The following BAIAP2L1 variants were observed in gnomAD, a reference collection of about 807,000 sequenced individuals.
BAIAP2L1 encodes the protein BAR/IMD domain containing adaptor protein 2 like 1, also known as BAR/IMD domain-containing adapter protein 2-like 1.
In BAIAP2L1, 35 loss-of-function variants were observed where a neutral mutation model predicts 66.3. The observed-to-expected ratio is 0.53, with a 90% CI of 0.40 to 0.70. The LOEUF (loss-of-function observed/expected upper bound fraction) is 0.70, where lower values mean the gene tolerates loss of function less well. Ranked by LOEUF, BAIAP2L1 falls within the 30% of genes least tolerant of loss-of-function variation. The pLI is 0.00. For missense variants in BAIAP2L1, 622 were observed against 656.9 expected, an observed-to-expected ratio of 0.95 and a Z score of 0.58; for synonymous variants, 269 against 248.7, an observed-to-expected ratio of 1.08 and a Z score of -0.77.
rs1442057451 is a variant in BAIAP2L1, at chr7:98,292,485, T to C, written c.*1036A>G. 2.8e-6 allele frequency: 2 copies of C among 723,790 alleles called. No individual in the cohort carries two copies. The highest frequency in any genetic ancestry group is 4.6e-6 in the Non-Finnish European group (2 of 435,994). The allele number at this position is 723,790 out of a possible 1,614,324, so 44.8% of individuals were successfully genotyped here. On this transcript the variant is annotated 3_prime_UTR_variant, in exon 14 of 14. Transcript: ENST00000005260. Reference sequence around the variant, plus strand: ...CCGGGCTGGGAATTTTAACCATGACTCTCCACTCCAAAATAGGTCCAGATC... The same window carrying C: ...CCGGGCTGGGAATTTTAACCATGACCCTCCACTCCAAAATAGGTCCAGATC...
intron 12 of BAIAP2L1, among the ~76,000 whole-genome samples, chr7:98,296,060 C>T (rs541239192): frequency 4.6e-5 from 7 of 152,204 alleles, no homozygotes; most frequent in South Asian, 2.1e-4. Context: ...AAACACCAGA[C>T]GCCCGTCAAT....
chr7:98,300,880 G>A (rs376709001), intron 12 of BAIAP2L1, among the ~76,000 whole-genome samples: 132 of 152,248 alleles, frequency 8.7e-4, no homozygotes, highest in African/African-American at 3.2e-3. Flanking sequence ...TTGTGTTTTT[G>A]CCGAAGCTCG....
chr7:98,400,698 G>A (rs1803348540), intron 1 of BAIAP2L1, 104 bp downstream of exon 1: 2 of 1,310,564 alleles, frequency 1.5e-6, no homozygotes, highest in Admixed American at 2.0e-5. Flanking sequence ...AGGACGCGGG[G>A]GAGGGGAGCT....
chr7:98,400,782 G>C lies in BAIAP2L1; in HGVS notation c.51+20C>G, dbSNP rs1803351628. On this transcript the variant is annotated intron_variant, in intron 1 of 13. Transcript: ENST00000005260. ...AGGTGGAAAGCCCTGACCTCCCTGAGCCCCGGGCCCTGGGCTTACCCGGTA... is the reference window on the plus strand; with the variant it reads ...AGGTGGAAAGCCCTGACCTCCCTGACCCCCGGGCCCTGGGCTTACCCGGTA... 1 of 1,548,984 alleles carries C rather than the reference G, an allele frequency of 6.5e-7. No homozygotes were observed. Among genetic ancestry groups the C allele is most frequent in the Admixed American group, 2.0e-5 (1 of 51,028 alleles).
intron 1 of BAIAP2L1, chr7:98,386,644 CTTT>C: frequency 9.0e-7 from 1 of 1,105,356 alleles, no homozygotes; most frequent in Admixed American, 2.6e-5. Context: ...TTTCCGAGAA[CTTT>C]TTTTTGTCTC....
At chr7:98,329,306 C>CA (rs1160355803) in intron 3 of BAIAP2L1, among the ~76,000 whole-genome samples, 1 of 152,224 alleles carries the variant, frequency 6.6e-6, no homozygotes, top group Non-Finnish European at 1.5e-5. Context: ...CGCAGAGACT[C>CA]ACAGTTCACA....
intron 2 of BAIAP2L1, among the ~76,000 whole-genome samples, chr7:98,360,216 C>T (rs1802237791): frequency 6.6e-6 from 1 of 152,138 alleles, no homozygotes; most frequent in Non-Finnish European, 1.5e-5. Context: ...AACCACCGCG[C>T]CTGGCCTGAG....
At chr7:98,333,429 C>T (rs1801546534) in intron 3 of BAIAP2L1, among the ~76,000 whole-genome samples, 1 of 151,962 alleles carries the variant, frequency 6.6e-6, no homozygotes, top group Non-Finnish European at 1.5e-5. Flanking sequence ...GAAACCTCAC[C>T]TCTACTAAAA....
chr7:98,321,586 C>T (rs1801248933), intron 3 of BAIAP2L1, among the ~76,000 whole-genome samples: 4 of 152,200 alleles, frequency 2.6e-5, no homozygotes, highest in Admixed American at 2.6e-4. Context: ...CGCCAGCTCT[C>T]TGCCACCTTT....
intron 3 of BAIAP2L1, among the ~76,000 whole-genome samples, chr7:98,341,075 A>C (rs1801732606): frequency 6.6e-6 from 1 of 151,540 alleles, no homozygotes; most frequent in African/African-American, 2.4e-5. Flanking sequence ...TCCACCCAAA[A>C]ATTGAGATGA....
At chr7:98,309,744 C>G (rs568954371) in intron 9 of BAIAP2L1, 4 of 152,444 alleles carry the variant, frequency 2.6e-5, no homozygotes, top group African/African-American at 9.6e-5. Context: ...TGAGACACCC[C>G]ACGTGGATGG....
intron 11 of BAIAP2L1, 122 bp downstream of exon 11, chr7:98,306,317 A>T: frequency 8.5e-7 from 1 of 1,179,678 alleles, no homozygotes; most frequent in Non-Finnish European, 1.2e-6. Context: ...CTCATCTCTG[A>T]CTAGTCCACG....
intron 7 of BAIAP2L1, among the ~76,000 whole-genome samples, chr7:98,312,588 C>T (rs1031429860): frequency 3.3e-5 from 5 of 152,152 alleles, no homozygotes; most frequent in African/African-American, 4.8e-5. Flanking sequence ...GTATGAATCC[C>T]GTTTTCCAGG....
chr7:98,317,439 T>G (rs1801108943), intron 5 of BAIAP2L1, 83 bp from the exon 6 acceptor site: 9 of 1,553,218 alleles, frequency 5.8e-6, no homozygotes, highest in Non-Finnish European at 7.9e-6. Context: ...ACTTCCACTG[T>G]GTGTGGCTCA....
chr7:98,369,581 C>G (rs567272978), intron 1 of BAIAP2L1, among the ~76,000 whole-genome samples: 1 of 152,064 alleles, frequency 6.6e-6, no homozygotes, highest in East Asian at 1.9e-4. Flanking sequence ...ATGAGCACCA[C>G]AGAAAGCAGC....
chr7:98,330,122 C>A (rs1801460327), intron 3 of BAIAP2L1, among the ~76,000 whole-genome samples: 1 of 152,102 alleles, frequency 6.6e-6, no homozygotes. Flanking sequence ...ACGTCATGTT[C>A]AGCTTCTAAA....
chr7:98,310,185 A>G (rs1173795772), intron 9 of BAIAP2L1: 10 of 410,542 alleles, frequency 2.4e-5, no homozygotes, highest in Non-Finnish European at 4.3e-5. Flanking sequence ...TCTCAACAGT[A>G]TGTTTACTCT....
chr7:98,325,804 C>G (rs190847619), intron 3 of BAIAP2L1, among the ~76,000 whole-genome samples: 61 of 152,334 alleles, frequency 4.0e-4, no homozygotes, highest in African/African-American at 1.2e-3. Context: ...AACCGCTCCC[C>G]AGCACACACA....
At chr7:98,304,528 T>C in intron 11 of BAIAP2L1, 152 bp from the exon 12 acceptor site, 4 of 782,824 alleles carry the variant, frequency 5.1e-6, no homozygotes, top group Non-Finnish European at 8.1e-6. Context: ...ACACAGTACA[T>C]ATATCAATAC....
Sources: gnomAD v4.1 joint callset for allele counts (sites outside exome capture counted in the v4.1 genomes callset) on GRCh38, gnomAD v4.1.1 for gene constraint, MANE v1.5 for transcripts, NCBI Gene and HGNC (gene_info 2026-07-23, HGNC 2026-07-21) for gene names.